KCTD1: variants seen among roughly 807,000 people sequenced by gnomAD.
The protein encoded by KCTD1 is BTB/POZ domain-containing protein KCTD1.
KCTD1 carries 24 observed loss-of-function variants against 66.0 expected under a neutral mutation model. That is an observed-to-expected ratio of 0.36 (90% CI 0.26 to 0.51). KCTD1 has a LOEUF of 0.51. Among genes scored for constraint, KCTD1 ranks in the 20% least tolerant of loss-of-function variants. The pLI is 0.95. For synonymous variants in KCTD1, 511 were observed against 517.2 expected (o/e 0.99, Z 0.16); for missense variants, 943 against 1,205.2 (o/e 0.78, Z 3.22).
upstream of KCTD1, among the ~76,000 whole-genome samples, chr18:26,631,906 C>T (rs965861061): frequency 5.3e-5 from 8 of 149,960 alleles, no homozygotes; most frequent in South Asian, 4.3e-4. Context: ...AAAAATTAGC[C>T]GGGCATGGTG....
intron 1 of KCTD1, among the ~76,000 whole-genome samples, chr18:26,524,184 C>T (rs76609187): frequency 0.065 from 9,920 of 152,300 alleles, 358 homozygotes; most frequent in Middle Eastern, 0.095. Flanking sequence ...ACATTGCCTG[C>T]TTTCCAGCAG....
chr18:26,650,564 G>A (rs1189268475), intron 1 of KCTD1, among the ~76,000 whole-genome samples: 1 of 152,160 alleles, frequency 6.6e-6, no homozygotes, highest in African/African-American at 2.4e-5. Context: ...TTGTAGTTCA[G>A]AAAACTGAAG....
At chr18:26,564,094 T>G (rs1985926228) in intron 1 of KCTD1, among the ~76,000 whole-genome samples, 1 of 152,026 alleles carries the variant, frequency 6.6e-6, no homozygotes, top group Admixed American at 6.5e-5. Flanking sequence ...GTTTCTTGCA[T>G]GTATTGTAAT....
At chr18:26,633,943 T>C (rs1343756309), upstream of KCTD1, among the ~76,000 whole-genome samples, 1 of 152,176 alleles carries the variant, frequency 6.6e-6, no homozygotes, top group Non-Finnish European at 1.5e-5. Flanking sequence ...CTCAGAAGAA[T>C]AAGCAAACTG....
At chr18:26,603,587 AC>A (rs1986946602) in intron 1 of KCTD1, among the ~76,000 whole-genome samples, 1 of 151,844 alleles carries the variant, frequency 6.6e-6, no homozygotes, top group Admixed American at 6.6e-5. Flanking sequence ...AACTAAAAAT[AC>A]AAAAATTAGC....
intron 1 of KCTD1, among the ~76,000 whole-genome samples, chr18:26,526,634 G>T (rs1470271715): frequency 2.0e-5 from 3 of 152,186 alleles, no homozygotes; most frequent in Non-Finnish European, 4.4e-5. Context: ...CAAGGCACAC[G>T]GAAAGGGGTT....
intron 1 of KCTD1, among the ~76,000 whole-genome samples, chr18:26,635,889 C>T (rs1353019707): frequency 1.3e-5 from 2 of 152,082 alleles, no homozygotes; most frequent in Admixed American, 6.5e-5. Flanking sequence ...TATCATGAAG[C>T]CCCCCAACCA....
chr18:26,477,215 A>G (rs992404631), intron 2 of KCTD1, among the ~76,000 whole-genome samples: 3 of 152,230 alleles, frequency 2.0e-5, no homozygotes, highest in African/African-American at 7.2e-5. Flanking sequence ...AACAATATAC[A>G]CTACAGTTTC....
upstream of KCTD1, among the ~76,000 whole-genome samples, chr18:26,632,244 G>T (rs1464365721): frequency 5.3e-5 from 8 of 152,106 alleles, no homozygotes; most frequent in East Asian, 1.5e-3. Flanking sequence ...AAATTAGCTT[G>T]GCATAGTGGC....
rs181695505 is a variant in KCTD1, at chr18:26,468,899, C to A, written c.2133+7616G>T. ...TGTCCCTCCCAGGTTCAAGAGAAAA[C>A]TCTGACGAGGAAGAAAGCACCAATA... is the stretch of plus-strand genomic sequence containing the variant. On this transcript the variant is annotated intron_variant, in intron 3 of 4. Coordinates refer to ENST00000580059, the MANE Select transcript of KCTD1 (RefSeq NM_001142730.3). This position sits in a 1 kb window ranked among gnomAD's most constrained non-coding sequence, Gnocchi z 4.8. 9.8e-5 allele frequency among the ~76,000 whole-genome samples: 15 copies of A among 152,308 alleles called. No homozygotes were observed. Among genetic ancestry groups the A allele is most frequent in the Admixed American group, 7.8e-4 (12 of 15,300 alleles).
chr18:26,597,122 G>C (rs142275574), intron 1 of KCTD1, among the ~76,000 whole-genome samples: 1 of 152,108 alleles, frequency 6.6e-6, no homozygotes, highest in African/African-American at 2.4e-5. Flanking sequence ...CATGGGGTGA[G>C]GAGGACCTCC....
Position 26,476,869 on chromosome 18 carries a change from C to A in KCTD1, c.1989-210G>T, listed in dbSNP as rs201059337. ...AGTCCTAGGCTTTGTCAAATGAATT[C>A]TTTTATTCACTGTCTTTCACCTGCA... On this transcript the variant is annotated intron_variant, in intron 2 of 4. Transcript: ENST00000580059. The surrounding 1 kb of genome is among the most constrained non-coding windows in gnomAD (Gnocchi z 4.9). The A allele has an allele frequency of 8.0e-6, 4 of 501,972 alleles. No individual in the cohort carries two copies. The East Asian group carries it at 1.1e-4, about 14-fold the overall frequency. 31.1% of individuals were successfully genotyped at this position (501,972 alleles called of 1,614,324 possible).
At chr18:26,597,905 C>T (rs1156620523) in intron 1 of KCTD1, among the ~76,000 whole-genome samples, 1 of 152,176 alleles carries the variant, frequency 6.6e-6, no homozygotes, top group Non-Finnish European at 1.5e-5. Flanking sequence ...CTGCCTACCT[C>T]AGCCTCCCAA....
At chr18:26,513,338 C>T (rs751081457) in intron 1 of KCTD1, among the ~76,000 whole-genome samples, 1 of 152,066 alleles carries the variant, frequency 6.6e-6, no homozygotes, top group Admixed American at 6.6e-5. Context: ...CTGCCCACTT[C>T]GGCCTCCCAA....
chr18:26,501,339 T>A, intron 1 of KCTD1, 89 bp from the exon 2 acceptor site: 1 of 1,122,268 alleles, frequency 8.9e-7, no homozygotes, highest in Non-Finnish European at 1.3e-6. Context: ...AACGAGTGAT[T>A]AACGATACTC....
At chr18:26,597,999 T>G (rs573462927) in intron 1 of KCTD1, among the ~76,000 whole-genome samples, 1 of 152,172 alleles carries the variant, frequency 6.6e-6, no homozygotes, top group South Asian at 2.1e-4. Flanking sequence ...CCAGAACTTC[T>G]TGGAGAAATG....
rs533359603 is a variant in KCTD1 at position 26,532,261 on chromosome 18, C to CTTTTTTTTTT, written c.1809+14457_1809+14466dup. ...CTTTTTCTTTTTCTTTTCTTTCCTT[C>CTTTTTTTTTT]TTTTTTTTTTTTTTTTTTTTTTTTT... On this transcript the variant is annotated intron_variant, in intron 1 of 4. Coordinates refer to ENST00000580059, the MANE Select transcript of KCTD1 (RefSeq NM_001142730.3). Among the ~76,000 whole-genome samples, 34 of 29,552 alleles carry CTTTTTTTTTT rather than the reference C, an allele frequency of 1.2e-3. 3 individuals carry two copies. The highest frequency in any genetic ancestry group is 1.8e-3 in the African/African-American group (27 of 15,386). 19.4% of individuals were successfully genotyped at this position (29,552 alleles called of 152,430 possible). A position where few individuals can be genotyped will look rare whatever the true frequency, so the allele number is the denominator to read the frequency against.
chr18:26,564,154 C>A (rs1985927805), intron 1 of KCTD1, among the ~76,000 whole-genome samples: 1 of 151,894 alleles, frequency 6.6e-6, no homozygotes, highest in Non-Finnish European at 1.5e-5. Flanking sequence ...CTCCGTGTAT[C>A]CATTCATTTT....
chr18:26,540,766 G>A (rs1984939497), intron 1 of KCTD1, among the ~76,000 whole-genome samples: 1 of 152,178 alleles, frequency 6.6e-6, no homozygotes, highest in South Asian at 2.1e-4. Context: ...CAAAATATGT[G>A]TTAATCAACT....
Sources: allele counts gnomAD v4.1 joint callset (sites outside exome capture counted in the v4.1 genomes callset), GRCh38; gene constraint gnomAD v4.1.1; non-coding constraint Gnocchi (gnomAD v3.1); transcripts MANE v1.5; gene names NCBI Gene and HGNC (gene_info 2026-07-23, HGNC 2026-07-21).